Variants in CRYBA4 observed in about 807,000 individuals in gnomAD.
The protein encoded by CRYBA4 is beta-crystallin A4.
CRYBA4 carries 30 observed loss-of-function variants against 31.7 expected under a neutral mutation model. That is an observed-to-expected ratio of 0.95 (90% CI 0.71 to 1.28). The LOEUF is 1.28. Ranked by LOEUF, CRYBA4 falls within the 50% of genes most tolerant of loss-of-function variation. The probability of loss-of-function intolerance (pLI) is 0.00; values close to 1 mark genes in which losing one functional copy is unlikely to be tolerated. For synonymous variants in CRYBA4, 102 were observed against 102.3 expected (o/e 1.00, Z 0.02); for missense variants, 225 against 260.7 (o/e 0.86, Z 0.94).
upstream of CRYBA4, among the ~76,000 whole-genome samples, chr22:26,618,903 C>T (rs1929449715): frequency 6.6e-6 from 1 of 152,206 alleles, no homozygotes; most frequent in African/African-American, 2.4e-5. Context: ...TCTCGCCACC[C>T]CAGTTCCCCG....
chr22:26,622,528 A>G (rs1372106288), intron 1 of CRYBA4, 57 bp from the exon 2 acceptor site: 19 of 1,475,164 alleles, frequency 1.3e-5, no homozygotes, highest in Non-Finnish European at 1.8e-5. Flanking sequence ...AGCCATCTGC[A>G]TAAAGAGGAG....
At chr22:26,590,910 CA>C in the CRYBA4 span, among the ~76,000 whole-genome samples, 3 of 152,178 alleles carry the variant, frequency 2.0e-5, no homozygotes, top group Non-Finnish European at 2.9e-5. Context: ...TCTGCTTCTT[CA>C]TGTGTAAAAT....
the CRYBA4 span, chr22:26,599,215 C>T: frequency 8.4e-6 from 4 of 474,856 alleles, no homozygotes; most frequent in Middle Eastern, 1.2e-3. Context: ...TCCTTGACGG[C>T]AGGAACTTGG....
chr22:26,608,825 G>A, the CRYBA4 span, among the ~76,000 whole-genome samples: 1 of 152,170 alleles, frequency 6.6e-6, no homozygotes, highest in East Asian at 1.9e-4. Flanking sequence ...GGAAGGGAAT[G>A]ATGGTAATAT....
the CRYBA4 span, chr22:26,607,943 T>A: frequency 2.5e-6 from 4 of 1,614,084 alleles, no homozygotes; most frequent in East Asian, 8.9e-5. Flanking sequence ...TGCTCGACCA[T>A]GTGTTCCAGC....
chr22:26,614,346 C>T, the CRYBA4 span, among the ~76,000 whole-genome samples: 30 of 152,304 alleles, frequency 2.0e-4, no homozygotes, highest in East Asian at 1.5e-3. Context: ...CTCCCCCGGA[C>T]GCCCAGCTTT....
chr22:26,618,368 G>T (rs1929427756), upstream of CRYBA4, among the ~76,000 whole-genome samples: 1 of 152,250 alleles, frequency 6.6e-6, no homozygotes, highest in African/African-American at 2.4e-5. Flanking sequence ...TTTGAATCCT[G>T]ACTCAGCCAC....
the CRYBA4 span, among the ~76,000 whole-genome samples, chr22:26,602,497 A>T: frequency 6.6e-6 from 1 of 151,964 alleles, no homozygotes; most frequent in Admixed American, 6.6e-5. Flanking sequence ...AGGCTGAGGC[A>T]GGAGGATTGC....
the CRYBA4 span, among the ~76,000 whole-genome samples, chr22:26,597,756 G>C: frequency 3.4e-4 from 52 of 152,172 alleles, no homozygotes; most frequent in Non-Finnish European, 6.8e-4. Context: ...CCAGCTCCAG[G>C]ATTGAGTAAC....
the CRYBA4 span, among the ~76,000 whole-genome samples, chr22:26,603,100 T>C: frequency 7.7e-6 from 1 of 129,694 alleles, no homozygotes; most frequent in East Asian, 2.3e-4. Flanking sequence ...CACACCAACC[T>C]GGGCAACAGA....
chr22:26,610,050 T>C, the CRYBA4 span, among the ~76,000 whole-genome samples: 1 of 44 alleles, frequency 0.023, no homozygotes, highest in African/African-American at 0.083. Flanking sequence ...CTTGCCACCA[T>C]GCCCAAGTCC....
At chr22:26,612,717 G>C in the CRYBA4 span, among the ~76,000 whole-genome samples, 2 of 152,162 alleles carry the variant, frequency 1.3e-5, no homozygotes, top group Non-Finnish European at 2.9e-5. Context: ...TCCCTTTCAG[G>C]CCTTTCTTTG....
chr22:26,608,382 C>CA, the CRYBA4 span, among the ~76,000 whole-genome samples: 6 of 152,266 alleles, frequency 3.9e-5, no homozygotes, highest in African/African-American at 1.4e-4. Context: ...CCAAGGAACA[C>CA]ATAGACATTT....
At chr22:26,627,372 C>CTTTA (rs1361732016) in intron 4 of CRYBA4, among the ~76,000 whole-genome samples, 1 of 51,020 alleles carries the variant, frequency 2.0e-5, no homozygotes, top group Admixed American at 2.4e-4. Context: ...TTCTTTCTTT[C>CTTTA]TTTCTTTCTT....
At chr22:26,609,644 A>G in the CRYBA4 span, among the ~76,000 whole-genome samples, 1 of 152,198 alleles carries the variant, frequency 6.6e-6, no homozygotes, top group Admixed American at 6.5e-5. Context: ...GGATAGATCA[A>G]TAGACGAATG....
the CRYBA4 span, among the ~76,000 whole-genome samples, chr22:26,604,276 A>C: frequency 4.9e-3 from 745 of 152,330 alleles, 2 homozygotes; most frequent in African/African-American, 0.017. Flanking sequence ...TTGCTTTTAA[A>C]ATGCATGTTA....
the CRYBA4 span, chr22:26,601,854 C>T: frequency 2.0e-5 from 32 of 1,611,536 alleles, no homozygotes; most frequent in Non-Finnish European, 2.3e-5. Flanking sequence ...GCAGGGGACG[C>T]GGACCTGGCA....
chr22:26,629,209 C>A (rs544134742), intron 5 of CRYBA4, among the ~76,000 whole-genome samples: 1 of 152,162 alleles, frequency 6.6e-6, no homozygotes, highest in East Asian at 1.9e-4. Context: ...GACATCAGAA[C>A]CACTTTCTGA....
At chr22:26,614,815 G>C in the CRYBA4 span, among the ~76,000 whole-genome samples, 1 of 151,996 alleles carries the variant, frequency 6.6e-6, no homozygotes, top group African/African-American at 2.4e-5. Flanking sequence ...TCATAATTCG[G>C]TCTCAAAATA....
Sources: gnomAD v4.1 joint callset for allele counts (sites outside exome capture counted in the v4.1 genomes callset) on GRCh38, gnomAD v4.1.1 for gene constraint, MANE v1.5 for transcripts, NCBI Gene and HGNC (gene_info 2026-07-23, HGNC 2026-07-21) for gene names.